Variants in TP73 observed in about 807,000 individuals in gnomAD.
TP73 encodes the protein p53-like transcription factor.
Under a neutral mutation model 62.5 loss-of-function variants are expected in TP73, and 25 were observed. The observed-to-expected ratio is 0.40, with a 90% CI of 0.29 to 0.56. The LOEUF is 0.56. Among genes scored for constraint, TP73 ranks in the 20% least tolerant of loss-of-function variants. The probability of loss-of-function intolerance (pLI) is 0.46; values close to 1 mark genes in which losing one functional copy is unlikely to be tolerated. For synonymous variants in TP73, 423 were observed against 377.5 expected (o/e 1.12, Z -1.40); for missense variants, 754 against 913.3 (o/e 0.83, Z 2.25).
At position 3,707,811 on chromosome 1, in the gene TP73, G is replaced by T. The variant is rs1451944921; in HGVS notation, c.429+20G>T. On this transcript the variant is annotated intron_variant, in intron 4 of 13. Coordinates refer to ENST00000378295, the MANE Select transcript of TP73 (RefSeq NM_005427.4). ...TGGACGGTGAGTTCCCCTAGTCCCT[G>T]AGGGCTGCGGGCTGCGGGCTGCGGG... is the stretch of plus-strand genomic sequence containing the variant. 2 of 1,606,974 alleles carry T rather than the reference G, an allele frequency of 1.2e-6. No homozygotes were observed. The highest frequency in any genetic ancestry group is 1.7e-6 in the Non-Finnish European group (2 of 1,176,350).
At chr1:3,706,133 G>A (rs982824500) in intron 3 of TP73, among the ~76,000 whole-genome samples, 17 of 151,204 alleles carry the variant, frequency 1.1e-4, no homozygotes, top group East Asian at 5.9e-4. Context: ...GCCCGCCTCC[G>A]CCTGGCTCTG....
chr1:3,721,172 G>C (rs1009799750), intron 4 of TP73, among the ~76,000 whole-genome samples: 2 of 152,252 alleles, frequency 1.3e-5, no homozygotes, highest in African/African-American at 4.8e-5. Flanking sequence ...TAGAACTCAT[G>C]AGAGCCGGCC....
rs973728052 is a variant in TP73 at position 3,701,531 on chromosome 1, G to A, written c.187-6018G>A. On this transcript the variant is annotated intron_variant, in intron 3 of 13. Transcript: ENST00000378295. The surrounding 1 kb of genome is among the most constrained non-coding windows in gnomAD (Gnocchi z 4.7). ...CTTTTTTGGTTTTTTTCGAGACAGA[G>A]TCTTGCTCTGTCACCCAGGCTGGAG... 4.6e-5 allele frequency among the ~76,000 whole-genome samples: 7 copies of A among 152,276 alleles called. No homozygotes were observed. The highest frequency in any genetic ancestry group is 4.1e-4 in the South Asian group (2 of 4,824).
chr1:3,687,530 T>A (rs1302274942), intron 3 of TP73, among the ~76,000 whole-genome samples: 1 of 152,116 alleles, frequency 6.6e-6, no homozygotes. Context: ...TCCCTGCCCC[T>A]CTGAGCGCTA....
chr1:3,707,475 A>C, intron 3 of TP73, 74 bp from the exon 4 acceptor site: 1 of 1,542,932 alleles, frequency 6.5e-7, no homozygotes, highest in Non-Finnish European at 8.8e-7. Flanking sequence ...CTCCTGTAAC[A>C]GGACACCTCC....
chr1:3,683,178 A>G lies in TP73; in HGVS notation c.184A>G (p.Met62Val), dbSNP rs1645564588. ...CCTGGAGGGCATGACTACATCTGTC[A>G]TGGTGAGTGGGGGGGCTGCCCTCTG... ...FHLEGMTTSVMAQFNLLSSTM... is the reference protein window; with the variant it reads ...FHLEGMTTSVVAQFNLLSSTM... The change falls in exon 3 of 14, where the codon ATG becomes GTG. Residue 62 changes from methionine to valine, a missense_variant and splice_region_variant. Around this residue, in one of 3 missense-constraint regions of TP73, gnomAD observed 235 missense variants for 251.4 expected, o/e 0.93. Coordinates refer to ENST00000378295, the MANE Select transcript of TP73 (RefSeq NM_005427.4). 6.2e-7 allele frequency: 1 copy of G among 1,601,520 alleles called. No homozygotes were observed. The highest frequency in any genetic ancestry group is 1.7e-5 in the Admixed American group (1 of 59,678).
Position 3,729,025 on chromosome 1 carries a change from A to T in TP73, c.1075-302A>T, listed in dbSNP as rs111767557. On this transcript the variant is annotated intron_variant, in intron 9 of 13. Coordinates refer to ENST00000378295, the MANE Select transcript of TP73 (RefSeq NM_005427.4). ...GAGAGAGACAGAGAGACAGAGAGAG[A>T]CAGACTTGGTTTCTAAAAACCCAGT... Among the ~76,000 whole-genome samples the T allele has an allele frequency of 5.2e-3, 789 of 152,304 alleles. 8 individuals carry two copies. The highest frequency in any genetic ancestry group is 0.022 in the South Asian group (108 of 4,828).
chr1:3,719,732 G>A (rs1310237757), intron 4 of TP73, among the ~76,000 whole-genome samples: 2 of 151,700 alleles, frequency 1.3e-5, no homozygotes, highest in African/African-American at 4.9e-5. Context: ...CTGTACATCA[G>A]TGGTCACCTC....
Position 3,729,433 on chromosome 1 carries a change from AGCT to A in TP73, c.1182_1184del (p.Gln394_Leu395delinsHis). 1 of 1,612,816 alleles carries A rather than the reference AGCT, an allele frequency of 6.2e-7. No individual in the cohort carries two copies. Among genetic ancestry groups the A allele is most frequent in the Admixed American group, 1.7e-5 (1 of 60,006 alleles). ...GTGGACTCCTATCGGCAGCAGCAGCAGCTCCTACAGAGGCCGTGAGTCAGCCCT... is the reference window on the plus strand; with the variant it reads ...GTGGACTCCTATCGGCAGCAGCAGCACCTACAGAGGCCGTGAGTCAGCCCT... On this transcript the variant is annotated inframe_deletion, in exon 10 of 14. Transcript: ENST00000378295.
At chr1:3,708,229 C>T (rs963973880) in intron 4 of TP73, 20 of 196,740 alleles carry the variant, frequency 1.0e-4, no homozygotes, top group Admixed American at 5.3e-4. Flanking sequence ...GACGCATCTG[C>T]GGGTGGGTGG....
At position 3,674,069 on chromosome 1, in the gene TP73, G is replaced by A. The variant is rs570900770; in HGVS notation, c.-33-8264G>A. On this transcript the variant is annotated intron_variant, in intron 1 of 13. Coordinates refer to ENST00000378295, the MANE Select transcript of TP73 (RefSeq NM_005427.4). Reference sequence around the variant, plus strand: ...AACAGGTGTGTGGCCTCACTGGGCCGTCGTGGGGTGGCTGGAATCCCCGGG... The same window carrying A: ...AACAGGTGTGTGGCCTCACTGGGCCATCGTGGGGTGGCTGGAATCCCCGGG... Among the ~76,000 whole-genome samples, 67 of 152,310 alleles carry A rather than the reference G, an allele frequency of 4.4e-4. No individual in the cohort carries two copies. The South Asian group carries it at 6.0e-3, about 14-fold the overall frequency.
At chr1:3,724,582 C>G (rs1320375860) in intron 6 of TP73, among the ~76,000 whole-genome samples, 1 of 152,254 alleles carries the variant, frequency 6.6e-6, no homozygotes, top group East Asian at 1.9e-4. Flanking sequence ...AGGCAGAGCT[C>G]TATCGCCCCC....
At chr1:3,673,222 C>T (rs1340487586) in intron 1 of TP73, among the ~76,000 whole-genome samples, 3 of 152,308 alleles carry the variant, frequency 2.0e-5, no homozygotes, top group African/African-American at 7.2e-5. Context: ...GTGAGACACG[C>T]GTGCTGACCA....
At chr1:3,729,674 T>C (rs775382522) in intron 10 of TP73, 7 of 847,976 alleles carry the variant, frequency 8.3e-6, no homozygotes, top group Admixed American at 1.9e-5. Context: ...CCTCTGCCAC[T>C]GAGGGGCCTT....
In TP73 at chr1:3,672,419, A is replaced by G. The variant is rs78593730; in HGVS notation, c.-33-9914A>G. Reference sequence around the variant, plus strand: ...GTGAGAGGAGGATCGGAGGGGGCAGAGGACAGGGATGTGTCTGTGCAGAAC... The same window carrying G: ...GTGAGAGGAGGATCGGAGGGGGCAGGGGACAGGGATGTGTCTGTGCAGAAC... On this transcript the variant is annotated intron_variant, in intron 1 of 13. Transcript: ENST00000378295. This position sits in a 1 kb window ranked among gnomAD's most constrained non-coding sequence, Gnocchi z 5.3. Among the ~76,000 whole-genome samples the G allele has an allele frequency of 0.044, 6,770 of 152,156 alleles. 494 individuals are homozygous for G. The highest frequency in any genetic ancestry group is 0.15 in the African/African-American group (6,362 of 41,486).
At chr1:3,718,791 T>G (rs1415471342) in intron 4 of TP73, among the ~76,000 whole-genome samples, 1 of 152,156 alleles carries the variant, frequency 6.6e-6, no homozygotes, top group Non-Finnish European at 1.5e-5. Flanking sequence ...GGCCATGGGC[T>G]GTGGCACTAG....
chr1:3,684,972 A>T (rs1173458093), intron 3 of TP73, among the ~76,000 whole-genome samples: 4 of 151,776 alleles, frequency 2.6e-5, no homozygotes, highest in Non-Finnish European at 5.9e-5. Context: ...AAGGGTCCTG[A>T]CCCCACCCCC....
chr1:3,709,192 C>T (rs1173148321), intron 4 of TP73, among the ~76,000 whole-genome samples: 1 of 152,182 alleles, frequency 6.6e-6, no homozygotes, highest in African/African-American at 2.4e-5. Flanking sequence ...ACTCCAGCCA[C>T]GGGCTCCCCC....
At position 3,727,692 on chromosome 1, in the gene TP73, A is replaced by G; in HGVS notation, c.907A>G (p.Lys303Glu). 6.3e-7 allele frequency: 1 copy of G among 1,590,036 alleles called. No homozygotes were observed. Among genetic ancestry groups the G allele is most frequent in the Non-Finnish European group, 8.5e-7 (1 of 1,170,456 alleles). The change falls in exon 8 of 14, where the codon AAA becomes GAA. Residue 303 changes from lysine to glutamate, a missense_variant. By Grantham distance (56) the Lys-to-Glu change is moderately conservative. Transcript: ENST00000378295. ...CTGCGCCTGTCCTGGCCGCGACCGA[A>G]AAGCTGATGAGGACCACTACCGGGA... is the stretch of plus-strand genomic sequence containing the variant. Reference protein sequence around the residue: ...RICACPGRDRKADEDHYREQQ... With the variant: ...RICACPGRDREADEDHYREQQ...
Sources: gnomAD v4.1 joint callset for allele counts (sites outside exome capture counted in the v4.1 genomes callset) on GRCh38, gnomAD v4.1.1 for gene constraint, gnomAD v4.1.1 regional missense constraint, Gnocchi (gnomAD v3.1) non-coding constraint, MANE v1.5 for transcripts, NCBI Gene and HGNC (gene_info 2026-07-23, HGNC 2026-07-21) for gene names.